The following MYO5C variants were observed in gnomAD, a reference collection of about 807,000 sequenced individuals.
MYO5C encodes unconventional myosin-Vc.
Under a neutral mutation model 235.7 loss-of-function variants are expected in MYO5C, and 194 were observed. The observed-to-expected ratio is 0.82, with a 90% CI of 0.73 to 0.93. The LOEUF is 0.93. MYO5C is among the 40% of genes least tolerant of loss of function. MYO5C has a pLI of 0.00. For missense variants in MYO5C, 2,038 were observed against 2,127.2 expected, an observed-to-expected ratio of 0.96 and a Z score of 0.82; for synonymous variants, 707 against 754.8, an observed-to-expected ratio of 0.94 and a Z score of 1.04.
chr15:52,223,770 GTT>G, intron 28 of MYO5C, 46 bp from the exon 29 acceptor site: 1 of 1,555,922 alleles, frequency 6.4e-7, no homozygotes, highest in East Asian at 2.3e-5. Context: ...CCTTTGTTCT[GTT>G]TTATGGACTG....
chr15:52,231,476 G>A (rs1002342353), intron 24 of MYO5C, among the ~76,000 whole-genome samples: 1 of 152,118 alleles, frequency 6.6e-6, no homozygotes, highest in East Asian at 1.9e-4. Context: ...GCCGAGAGCC[G>A]AGCTCTTCTC....
intron 2 of MYO5C, among the ~76,000 whole-genome samples, chr15:52,282,188 G>A (rs1001332927): frequency 4.6e-5 from 7 of 152,040 alleles, no homozygotes; most frequent in Non-Finnish European, 8.8e-5. Context: ...ACCAACAGAG[G>A]CACCTCATAA....
In MYO5C at chr15:52,237,492, G is replaced by A. The variant is rs760388242; in HGVS notation, c.2858C>T (p.Ala953Val). 7 of 1,613,912 alleles carry A rather than the reference G, an allele frequency of 4.3e-6. No homozygotes were observed. The South Asian group carries it at 7.7e-5, about 18-fold the overall frequency. Reference sequence around the variant, plus strand: ...ACGCCCGCAGCTGACCTCTTCCACAGCATCCCTGTATCTCTTCCCCTTCTC... The same window carrying A: ...ACGCCCGCAGCTGACCTCTTCCACAACATCCCTGTATCTCTTCCCCTTCTC... ...YEEKGKRYRD[A>V]VEEKLAKLQK... The change falls in exon 22 of 41, where the codon GCT becomes GTT. Residue 953 changes from alanine (A) to valine (V), a missense_variant. Coordinates refer to ENST00000261839, the MANE Select transcript of MYO5C (RefSeq NM_018728.4).
intron 1 of MYO5C, among the ~76,000 whole-genome samples, chr15:52,289,843 C>T (rs2037350996): frequency 6.6e-6 from 1 of 152,248 alleles, no homozygotes; most frequent in African/African-American, 2.4e-5. Context: ...TCAGGCCTCA[C>T]CCTCTTTTCA....
At chr15:52,250,540 G>A (rs868091465) in intron 13 of MYO5C, among the ~76,000 whole-genome samples, 7 of 152,168 alleles carry the variant, frequency 4.6e-5, no homozygotes, top group African/African-American at 7.2e-5. Context: ...CACTGCACCC[G>A]GCCAATCCTA....
chr15:52,292,769 T>C lies in MYO5C; in HGVS notation c.27+2841A>G, dbSNP rs1427396731. ...GAAGGCACCGTGTGGAGGGGCTAGC[T>C]GCAGAGGCTTTCTCAGAAGAGGTCC... On this transcript the variant is annotated intron_variant, in intron 1 of 40. Transcript: ENST00000261839. Among the ~76,000 whole-genome samples the C allele has an allele frequency of 2.0e-5, 3 of 152,346 alleles. No individual in the cohort carries two copies. The East Asian group carries it at 5.8e-4, about 29-fold the overall frequency.
At chr15:52,213,309 A>T in intron 33 of MYO5C, 23 bp from the exon 34 acceptor site, 1 of 1,560,862 alleles carries the variant, frequency 6.4e-7, no homozygotes, top group East Asian at 2.2e-5. Flanking sequence ...GCAAACAATC[A>T]GCTAAATACA....
chr15:52,276,879 C>T (rs1390430986), intron 4 of MYO5C, among the ~76,000 whole-genome samples: 1 of 152,028 alleles, frequency 6.6e-6, no homozygotes, highest in Non-Finnish European at 1.5e-5. Flanking sequence ...GTGGATGTGG[C>T]ACCGCTCACA....
intron 12 of MYO5C, among the ~76,000 whole-genome samples, chr15:52,251,911 C>T (rs1372601340): frequency 6.6e-6 from 1 of 152,102 alleles, no homozygotes; most frequent in Admixed American, 6.5e-5. Flanking sequence ...GTGATCCACC[C>T]ACCTTGGCCT....
chr15:52,247,309 G>C, intron 15 of MYO5C, 149 bp downstream of exon 15: 1 of 953,332 alleles, frequency 1.0e-6, no homozygotes, highest in South Asian at 1.6e-5. Context: ...TGACGACGAT[G>C]AACTTTTTGC....
At chr15:52,219,526 A>C (rs906526989) in intron 31 of MYO5C, among the ~76,000 whole-genome samples, 3 of 152,200 alleles carry the variant, frequency 2.0e-5, no homozygotes, top group Non-Finnish European at 4.4e-5. Context: ...AAGGCAACCA[A>C]CTGCCTGGAG....
At chr15:52,227,920 C>A (rs562398728) in intron 25 of MYO5C, among the ~76,000 whole-genome samples, 1 of 152,178 alleles carries the variant, frequency 6.6e-6, no homozygotes, top group African/African-American at 2.4e-5. Context: ...ATGTATTTCA[C>A]ATATTTAGTA....
At chr15:52,275,212 A>AT (rs2037014721) in intron 5 of MYO5C, among the ~76,000 whole-genome samples, 1 of 152,256 alleles carries the variant, frequency 6.6e-6, no homozygotes, top group Admixed American at 6.5e-5. Flanking sequence ...ATTCCTGAAT[A>AT]TTTTAACAAT....
intron 28 of MYO5C, among the ~76,000 whole-genome samples, chr15:52,224,428 G>C (rs2035773882): frequency 1.3e-5 from 2 of 152,214 alleles, no homozygotes; most frequent in Non-Finnish European, 2.9e-5. Context: ...GCGTGTCAGT[G>C]TTGGTTCACC....
intron 38 of MYO5C, among the ~76,000 whole-genome samples, chr15:52,197,749 C>G (rs951197200): frequency 6.6e-6 from 1 of 152,102 alleles, no homozygotes; most frequent in Admixed American, 6.5e-5. Context: ...GATTCTCCTG[C>G]CTTAGCCTCC....
chr15:52,284,834 T>G (rs1352811519), intron 1 of MYO5C, among the ~76,000 whole-genome samples: 1 of 118,482 alleles, frequency 8.4e-6, no homozygotes, highest in Non-Finnish European at 1.9e-5. Context: ...TCTTTTTCTT[T>G]CTTTCTTTTT....
intron 30 of MYO5C, 128 bp from the exon 31 acceptor site, chr15:52,219,950 C>A: frequency 1.5e-6 from 1 of 647,706 alleles, no homozygotes; most frequent in Admixed American, 2.7e-5. Flanking sequence ...CTTCTCTGGC[C>A]CATATTGGAA....
At chr15:52,293,645 A>C (rs1596243158) in intron 1 of MYO5C, among the ~76,000 whole-genome samples, 2 of 145,176 alleles carry the variant, frequency 1.4e-5, no homozygotes, top group African/African-American at 2.6e-5. Context: ...CCCCCACCCC[A>C]CTCCCCAGTC....
rs754670620 is a variant in MYO5C, at chr15:52,211,807, C to T, written c.4219G>A (p.Ala1407Thr). ...ATGTTGGCATCATTCAGAGAGTCTG[C>T]GTAGCGCACACACATGAACAGGATA... is the stretch of plus-strand genomic sequence containing the variant. ...AHILFMCVRYADSLNDANMLK... is the reference protein window; with the variant it reads ...AHILFMCVRYTDSLNDANMLK... Residue 1407 changes from alanine (A) to threonine (T), a missense_variant, in exon 35 of 41, where the codon GCA becomes ACA. Transcript: ENST00000261839. 1.1e-5 allele frequency: 18 copies of T among 1,614,042 alleles called. No homozygotes were observed. Among genetic ancestry groups the T allele is most frequent in the African/African-American group, 8.0e-5 (6 of 74,924 alleles).
Sources: gnomAD v4.1 joint callset for allele counts (sites outside exome capture counted in the v4.1 genomes callset) on GRCh38, gnomAD v4.1.1 for gene constraint, MANE v1.5 for transcripts, NCBI Gene and HGNC (gene_info 2026-07-23, HGNC 2026-07-21) for gene names.